NAV3: variants seen among roughly 807,000 people sequenced by gnomAD.
The protein encoded by NAV3 is pore membrane and/or filament interacting like protein 1.
In NAV3, 87 loss-of-function variants were observed where a neutral mutation model predicts 244.7. The observed-to-expected ratio is 0.36, with a 90% CI of 0.30 to 0.42. The LOEUF is 0.42. Among genes scored for constraint, NAV3 ranks in the 20% least tolerant of loss-of-function variants. The probability of loss-of-function intolerance (pLI) is 1.00; values close to 1 mark genes in which losing one functional copy is unlikely to be tolerated. For synonymous variants in NAV3, 1,126 were observed against 1,042.2 expected (o/e 1.08, Z -1.55); for missense variants, 2,663 against 2,893.3 (o/e 0.92, Z 1.83).
At chr12:77,770,199 A>G (rs573736061) in intron 2 of NAV3, among the ~76,000 whole-genome samples, 26 of 152,042 alleles carry the variant, frequency 1.7e-4, no homozygotes, top group South Asian at 6.2e-4. Flanking sequence ...TCTTTACTTT[A>G]TGAGAAGGAA....
intron 2 of NAV3, among the ~76,000 whole-genome samples, chr12:77,769,533 C>A (rs948104485): frequency 2.6e-5 from 4 of 152,010 alleles, no homozygotes; most frequent in Non-Finnish European, 5.9e-5. Flanking sequence ...TTTTTTTATT[C>A]TAAAAGAGTA....
At chr12:77,792,359 G>A (rs887645343) in intron 2 of NAV3, among the ~76,000 whole-genome samples, 1 of 152,046 alleles carries the variant, frequency 6.6e-6, no homozygotes, top group African/African-American at 2.4e-5. Flanking sequence ...CTTTTTAAAG[G>A]TTCCTTTATG....
At chr12:78,174,019 A>G (rs987897469) in intron 24 of NAV3, among the ~76,000 whole-genome samples, 12 of 151,790 alleles carry the variant, frequency 7.9e-5, no homozygotes, top group Admixed American at 7.9e-4. Context: ...GCTTGATTTT[A>G]TGGTATTAGT....
intron 20 of NAV3, among the ~76,000 whole-genome samples, chr12:78,140,671 C>T (rs369583923): frequency 6.6e-6 from 1 of 152,010 alleles, no homozygotes; most frequent in Admixed American, 6.6e-5. Flanking sequence ...TTAGTAATGA[C>T]GAGTTGTCCA....
chr12:77,797,742 G>C lies in NAV3; in HGVS notation c.73-142577G>C, dbSNP rs571124605. Among the ~76,000 whole-genome samples, 354 of 151,802 alleles carry C rather than the reference G, an allele frequency of 2.3e-3. 1 individual carries two copies. Among genetic ancestry groups the C allele is most frequent in the African/African-American group, 8.3e-3 (344 of 41,384 alleles). ...TGTAATCCCAGCCACTCAAGAGACT[G>C]AGGGAGGAGAATTGCTTGAACGTGA... On this transcript the variant is annotated intron_variant, in intron 2 of 8. Transcript: ENST00000550042.
At chr12:77,921,037 G>T (rs183303702) in intron 1 of NAV3, among the ~76,000 whole-genome samples, 3 of 152,062 alleles carry the variant, frequency 2.0e-5, no homozygotes, top group Non-Finnish European at 4.4e-5. Flanking sequence ...AAACGAAAAG[G>T]ATACCTATTC....
At chr12:78,066,972 A>T (rs1448755) in intron 12 of NAV3, among the ~76,000 whole-genome samples, 14,816 of 152,202 alleles carry the variant, frequency 0.097, 895 homozygotes, top group South Asian at 0.2. Flanking sequence ...CATTGCCATG[A>T]CAAAGGGCAC....
At chr12:77,648,775 C>A (rs1176011074) in intron 2 of NAV3, among the ~76,000 whole-genome samples, 1 of 152,042 alleles carries the variant, frequency 6.6e-6, no homozygotes, top group Non-Finnish European at 1.5e-5. Flanking sequence ...TCTATGATTT[C>A]AGCATCCTGA....
chr12:77,791,356 A>C (rs76448807), intron 2 of NAV3, among the ~76,000 whole-genome samples: 1 of 1,142 alleles, frequency 8.8e-4, no homozygotes, highest in Non-Finnish European at 6.3e-3. Flanking sequence ...CTCCATCTCA[A>C]AAAAAAAAAA....
intron 2 of NAV3, among the ~76,000 whole-genome samples, chr12:77,605,312 G>T (rs1241035032): frequency 6.6e-6 from 1 of 152,010 alleles, no homozygotes; most frequent in Non-Finnish European, 1.5e-5. Context: ...AATAGCACCT[G>T]CCCGATCATA....
At chr12:77,774,568 C>A (rs1870255422) in intron 2 of NAV3, among the ~76,000 whole-genome samples, 1 of 151,994 alleles carries the variant, frequency 6.6e-6, no homozygotes, top group Non-Finnish European at 1.5e-5. Flanking sequence ...TCTTAAAGGA[C>A]TAGAGAGGTG....
At chr12:77,818,754 G>C (rs566655932) in intron 2 of NAV3, among the ~76,000 whole-genome samples, 1 of 151,944 alleles carries the variant, frequency 6.6e-6, no homozygotes. Context: ...TTAATATTGC[G>C]TCGATTCTGC....
Position 78,059,015 on chromosome 12 carries a change from C to T in NAV3, c.2536C>T (p.Leu846Phe), listed in dbSNP as rs2137405184. 1 of 1,606,060 alleles carries T rather than the reference C, an allele frequency of 6.2e-7. No homozygotes were observed. The highest frequency in any genetic ancestry group is 2.3e-5 in the East Asian group (1 of 44,426). Residue 846 changes from leucine to phenylalanine, a missense_variant, in exon 12 of 40, where the codon CTT becomes TTT. Physicochemically the swap from Leu to Phe is conservative, Grantham distance 22. This residue lies in a region of NAV3 where 1,521 missense variants were observed against 1,497.0 expected (regional missense o/e 1.02). Coordinates refer to ENST00000397909, the MANE Select transcript of NAV3 (RefSeq NM_001024383.2). ...INSGYMTDGG[L>F]NLYTRSLNRI... ...TTTCAGGTACATGACAGATGGAGGA[C>T]TTAACCTATATACTAGAAGTCTGAA...
At chr12:77,770,737 C>T (rs1302103321) in intron 2 of NAV3, among the ~76,000 whole-genome samples, 2 of 152,168 alleles carry the variant, frequency 1.3e-5, no homozygotes, top group Non-Finnish European at 2.9e-5. Flanking sequence ...TGGATCCCTT[C>T]CTTACACCTT....
At chr12:77,749,620 T>A (rs534458816) in intron 2 of NAV3, among the ~76,000 whole-genome samples, 5 of 152,326 alleles carry the variant, frequency 3.3e-5, no homozygotes, top group South Asian at 2.1e-4. Context: ...AGGCTTTTTT[T>A]AATGTCTATA....
At chr12:77,927,511 G>T (rs976955416) in intron 1 of NAV3, among the ~76,000 whole-genome samples, 1 of 152,126 alleles carries the variant, frequency 6.6e-6, no homozygotes, top group African/African-American at 2.4e-5. Flanking sequence ...CTTTAAAAAC[G>T]GAATAGTGGT....
intron 39 of NAV3, among the ~76,000 whole-genome samples, chr12:78,206,871 T>TTC (rs1960379162): frequency 9.6e-6 from 1 of 104,306 alleles, no homozygotes; most frequent in Non-Finnish European, 1.9e-5. Context: ...TTTTTTTTTT[T>TTC]TTTTGAGACA....
intron 1 of NAV3, among the ~76,000 whole-genome samples, chr12:77,924,813 A>G (rs1242951015): frequency 1.3e-5 from 2 of 152,124 alleles, no homozygotes; most frequent in Non-Finnish European, 2.9e-5. Flanking sequence ...AATGTAAATC[A>G]TGAGTAAGCA....
intron 2 of NAV3, among the ~76,000 whole-genome samples, chr12:77,718,862 G>A (rs111761865): frequency 0.015 from 2,236 of 151,946 alleles, 61 homozygotes; most frequent in African/African-American, 0.052. Flanking sequence ...CTGCATGTTG[G>A]TCAGGTGGTC....
Sources: allele counts gnomAD v4.1 joint callset (sites outside exome capture counted in the v4.1 genomes callset), GRCh38; gene constraint gnomAD v4.1.1; regional missense constraint gnomAD v4.1.1; transcripts MANE v1.5; gene names NCBI Gene and HGNC (gene_info 2026-07-23, HGNC 2026-07-21).